Variants in SLCO3A1 observed in about 807,000 individuals in gnomAD.
SLCO3A1 encodes solute carrier organic anion transporter family member 3A1.
Under a neutral mutation model 63.1 loss-of-function variants are expected in SLCO3A1, and 27 were observed. The observed-to-expected ratio is 0.43, with a 90% CI of 0.32 to 0.59. The LOEUF (loss-of-function observed/expected upper bound fraction) is 0.59. SLCO3A1 is among the 20% of genes least tolerant of loss of function. The probability of loss-of-function intolerance (pLI) is 0.09; values close to 1 mark genes in which losing one functional copy is unlikely to be tolerated. For synonymous variants in SLCO3A1, 473 were observed against 409.9 expected, an observed-to-expected ratio of 1.15 and a Z score of -1.86; for missense variants, 773 against 945.8, an observed-to-expected ratio of 0.82 and a Z score of 2.40.
intron 2 of SLCO3A1, among the ~76,000 whole-genome samples, chr15:92,005,525 C>T (rs1279632414): frequency 2.6e-5 from 4 of 152,156 alleles, no homozygotes; most frequent in South Asian, 4.1e-4. Context: ...TCAAGGCAAG[C>T]GTGAGAGTAG....
At chr15:91,903,444 G>A (rs1034126260) in intron 1 of SLCO3A1, among the ~76,000 whole-genome samples, 6 of 152,302 alleles carry the variant, frequency 3.9e-5, no homozygotes, top group Admixed American at 6.5e-5. Context: ...CTTCAGGAAC[G>A]GACAGGACAG....
intron 1 of SLCO3A1, among the ~76,000 whole-genome samples, chr15:91,878,111 C>T (rs1052587643): frequency 2.9e-4 from 31 of 106,766 alleles, no homozygotes; most frequent in African/African-American, 1.1e-3. Flanking sequence ...TTTTTTGAGA[C>T]GGAGTTTTGC....
rs960026372 is a variant in SLCO3A1, at chr15:92,021,986, G to C, written c.647-72895G>C. Among the ~76,000 whole-genome samples the C allele has an allele frequency of 5.1e-4, 77 of 152,202 alleles. 1 individual carries two copies. The highest frequency in any genetic ancestry group is 1.8e-4 in the Non-Finnish European group (12 of 68,044). On this transcript the variant is annotated intron_variant, in intron 2 of 9. Transcript: ENST00000318445. Reference sequence around the variant, plus strand: ...CACACCTGCCTGGAGTGGCAGGAAGGCAAAGCCAATACATTTTATTGCTTT... The same window carrying C: ...CACACCTGCCTGGAGTGGCAGGAAGCCAAAGCCAATACATTTTATTGCTTT...
chr15:91,961,859 G>T (rs1900459604), intron 2 of SLCO3A1, among the ~76,000 whole-genome samples: 1 of 152,178 alleles, frequency 6.6e-6, no homozygotes, highest in African/African-American at 2.4e-5. Flanking sequence ...AGCTTGAGAT[G>T]GTTCTCAGAA....
At chr15:92,071,104 A>G (rs2047210429) in intron 2 of SLCO3A1, among the ~76,000 whole-genome samples, 2 of 152,200 alleles carry the variant, frequency 1.3e-5, no homozygotes, top group African/African-American at 4.8e-5. Flanking sequence ...GTTAAGTACA[A>G]CCACTGAAAG....
At chr15:91,868,309 C>T (rs1043958225) in intron 1 of SLCO3A1, among the ~76,000 whole-genome samples, 4 of 147,444 alleles carry the variant, frequency 2.7e-5, no homozygotes, top group African/African-American at 7.5e-5. Context: ...GGCTCGGCCT[C>T]ACAAAGTGCT....
rs775066487 is a variant in SLCO3A1 at position 91,897,937 on chromosome 15, C to T, written c.181-18056C>T. 4.6e-5 allele frequency among the ~76,000 whole-genome samples: 7 copies of T among 152,280 alleles called. No individual in the cohort carries two copies. Among genetic ancestry groups the T allele is most frequent in the South Asian group, 2.1e-4 (1 of 4,824 alleles). Reference sequence around the variant, plus strand: ...AGAAGGAATCGCTGCTCTACACACACGGGGTTTTTAAATTAGAAAGATATC... The same window carrying T: ...AGAAGGAATCGCTGCTCTACACACATGGGGTTTTTAAATTAGAAAGATATC... On this transcript the variant is annotated intron_variant, in intron 1 of 9. Transcript: ENST00000318445. This position sits in a 1 kb window ranked among gnomAD's most constrained non-coding sequence, Gnocchi z 4.7.
At chr15:91,995,243 G>A (rs1017224230) in intron 2 of SLCO3A1, among the ~76,000 whole-genome samples, 1 of 152,140 alleles carries the variant, frequency 6.6e-6, no homozygotes, top group African/African-American at 2.4e-5. Context: ...ACAGAGACCT[G>A]GGTTCAAATC....
rs1567122359 is a variant in SLCO3A1 at position 92,104,554 on chromosome 15, CT to C, written c.1009+13del. 6.2e-7 allele frequency: 1 copy of C among 1,609,818 alleles called. No homozygotes were observed. The highest frequency in any genetic ancestry group is 1.3e-5 in the African/African-American group (1 of 74,942). ...CCAGCAGCTGAGAGGTAAAGGTGGCCTCATCTGCCTCTGCTCAGAACAGTAG... is the reference window on the plus strand; with the variant it reads ...CCAGCAGCTGAGAGGTAAAGGTGGCCCATCTGCCTCTGCTCAGAACAGTAG... On this transcript the variant is annotated intron_variant, in intron 4 of 9. Transcript: ENST00000318445.
intron 1 of SLCO3A1, among the ~76,000 whole-genome samples, chr15:91,874,588 G>T (rs1897353711): frequency 6.6e-6 from 1 of 152,178 alleles, no homozygotes; most frequent in Admixed American, 6.5e-5. Context: ...TTCCTTTTTA[G>T]GCTGAATTTT....
chr15:91,916,248 G>A lies in SLCO3A1; in HGVS notation c.436G>A (p.Gly146Ser). The change falls in exon 2 of 10, where the codon GGC (glycine) becomes AGC (serine). Residue 146 changes from glycine to serine, a missense_variant. This residue lies in a region of SLCO3A1 where 565 missense variants were observed against 749.8 expected (regional missense o/e 0.75). Coordinates refer to ENST00000318445, the MANE Select transcript of SLCO3A1 (RefSeq NM_013272.4). The surrounding 1 kb of genome is among the most constrained non-coding windows in gnomAD (Gnocchi z 6.2). ...EAGEIRWGAE[G>S]RDVCAANGSG... ...GGGCGAGATCCGCTGGGGCGCCGAG[G>A]GCCGCGACGTCTGCGCAGCCAACGG... 1.9e-6 allele frequency: 3 copies of A among 1,566,380 alleles called. No individual in the cohort carries two copies. The highest frequency in any genetic ancestry group is 2.6e-6 in the Non-Finnish European group (3 of 1,156,490).
chr15:91,952,582 G>A (rs72754021), intron 2 of SLCO3A1, among the ~76,000 whole-genome samples: 9,445 of 152,262 alleles, frequency 0.062, 382 homozygotes, highest in Non-Finnish European at 0.087. Flanking sequence ...CAAAGATGCA[G>A]GATTGCATGC....
chr15:92,036,465 T>C (rs1198743561), intron 2 of SLCO3A1, among the ~76,000 whole-genome samples: 1 of 152,044 alleles, frequency 6.6e-6, no homozygotes, highest in East Asian at 1.9e-4. Context: ...GAGCTGCCTT[T>C]AGGTTTAAAC....
intron 7 of SLCO3A1, among the ~76,000 whole-genome samples, chr15:92,139,751 A>G (rs868614472): frequency 1.2e-4 from 18 of 152,050 alleles, no homozygotes; most frequent in South Asian, 4.2e-4. Context: ...TAGATTTTCT[A>G]GTTTATTTGC....
At chr15:91,977,226 A>C (rs1018995133) in intron 2 of SLCO3A1, among the ~76,000 whole-genome samples, 11 of 152,286 alleles carry the variant, frequency 7.2e-5, no homozygotes, top group Middle Eastern at 3.4e-3. Context: ...TCAATTCCTC[A>C]TTGCCACCTG....
intron 7 of SLCO3A1, among the ~76,000 whole-genome samples, chr15:92,135,917 C>T (rs1286262036): frequency 6.6e-6 from 1 of 152,174 alleles, no homozygotes; most frequent in Non-Finnish European, 1.5e-5. Context: ...TCTGTAATCC[C>T]ATCTACTCAG....
intron 4 of SLCO3A1, among the ~76,000 whole-genome samples, chr15:92,105,053 G>A (rs980145953): frequency 1.3e-5 from 2 of 151,746 alleles, no homozygotes; most frequent in Admixed American, 6.6e-5. Flanking sequence ...GATCACTTGA[G>A]GTCAGAAGTT....
intron 2 of SLCO3A1, among the ~76,000 whole-genome samples, chr15:91,955,337 CTTTTTTTTTTTTT>C (rs1900135242): frequency 7.0e-6 from 1 of 143,598 alleles, no homozygotes; most frequent in African/African-American, 2.5e-5. Context: ...TTTTCTTTTT[CTTTTTTTTTTTTT>C]GAAACAGAGT....
chr15:91,861,228 C>A (rs1000698705), intron 1 of SLCO3A1, among the ~76,000 whole-genome samples: 3 of 152,220 alleles, frequency 2.0e-5, no homozygotes, highest in Non-Finnish European at 2.9e-5. Context: ...GTGTAAAGCA[C>A]TGAATCTTGT....
Sources: allele counts gnomAD v4.1 joint callset (sites outside exome capture counted in the v4.1 genomes callset), GRCh38; gene constraint gnomAD v4.1.1; regional missense constraint gnomAD v4.1.1; non-coding constraint Gnocchi (gnomAD v3.1); transcripts MANE v1.5; gene names NCBI Gene and HGNC (gene_info 2026-07-23, HGNC 2026-07-21).